Variants in COL11A1 observed in about 807,000 individuals in gnomAD.
COL11A1 encodes the protein collagen type XI alpha 1 chain, also known as collagen alpha-1(XI) chain.
A neutral mutation model predicts 265.2 loss-of-function variants in COL11A1; 74 were observed. The observed-to-expected ratio is 0.28, with a 90% confidence interval of 0.23 to 0.34. The LOEUF (loss-of-function observed/expected upper bound fraction) is 0.34. COL11A1 is among the 10% of genes least tolerant of loss of function. COL11A1 has a pLI of 1.00. For missense variants in COL11A1, 2,165 were observed against 2,263.6 expected (o/e 0.96, Z 0.88); for synonymous variants, 816 against 727.6 (o/e 1.12, Z -1.96).
intron 54 of COL11A1, among the ~76,000 whole-genome samples, chr1:102,904,937 G>A (rs575114372): frequency 3.6e-4 from 55 of 151,970 alleles, no homozygotes; most frequent in Middle Eastern, 6.8e-3. Flanking sequence ...TGTTTATAGC[G>A]GCACTATTCA....
intron 57 of COL11A1, among the ~76,000 whole-genome samples, chr1:102,893,415 C>T (rs1293733741): frequency 6.6e-6 from 1 of 152,000 alleles, no homozygotes; most frequent in Non-Finnish European, 1.5e-5. Context: ...TTATTTTCAT[C>T]AGCTGGAAAT....
intron 30 of COL11A1, among the ~76,000 whole-genome samples, chr1:102,984,745 C>T (rs745567136): frequency 2.9e-4 from 44 of 151,982 alleles, no homozygotes; most frequent in Non-Finnish European, 5.3e-4. Flanking sequence ...TCTTCTTTCA[C>T]TCTAACATGC....
At chr1:102,956,850 G>T (rs1259217746) in intron 41 of COL11A1, among the ~76,000 whole-genome samples, 1 of 150,266 alleles carries the variant, frequency 6.7e-6, no homozygotes, top group East Asian at 1.9e-4. Context: ...AAAGTGAAAA[G>T]AATTCTAAGT....
chr1:102,964,106 A>C (rs1387579663), intron 38 of COL11A1, among the ~76,000 whole-genome samples: 1 of 152,222 alleles, frequency 6.6e-6, no homozygotes, highest in African/African-American at 2.4e-5. Context: ...GGGAACGAAA[A>C]AAGAACACAA....
At chr1:102,984,805 T>C (rs1460742830) in intron 30 of COL11A1, among the ~76,000 whole-genome samples, 1 of 152,068 alleles carries the variant, frequency 6.6e-6, no homozygotes, top group African/African-American at 2.4e-5. Flanking sequence ...CTTTAGCTAA[T>C]AATGATGGTT....
chr1:102,967,430 CG>C (rs1293350863), intron 37 of COL11A1, among the ~76,000 whole-genome samples: 5 of 151,536 alleles, frequency 3.3e-5, no homozygotes, highest in African/African-American at 7.3e-5. Context: ...TTAGTAGAGA[CG>C]GGGTTTCACC....
intron 26 of COL11A1, 101 bp downstream of exon 26, chr1:102,996,969 TACCCAAAATA>T: frequency 1.1e-6 from 1 of 878,988 alleles, no homozygotes; most frequent in East Asian, 2.4e-5. Flanking sequence ...ATCTTTTTTA[TACCCAAAATA>T]ACTATATGAA....
chr1:103,067,346 A>G (rs550581656), intron 4 of COL11A1, among the ~76,000 whole-genome samples: 25 of 151,994 alleles, frequency 1.6e-4, no homozygotes, highest in African/African-American at 6.0e-4. Context: ...TCTCTAAGAA[A>G]AGCTCAAGTA....
intron 4 of COL11A1, 130 bp downstream of exon 4, chr1:103,074,488 G>T: frequency 1.0e-6 from 1 of 969,970 alleles, no homozygotes; most frequent in South Asian, 1.5e-5. Context: ...CACAGAGGAA[G>T]AAACTAGGTC....
rs557500288 is a variant in COL11A1, at chr1:103,071,249, A to G, written c.651+3369T>C. 1.5e-4 allele frequency among the ~76,000 whole-genome samples: 17 copies of G among 112,214 alleles called. No homozygotes were observed. The South Asian group carries it at 2.5e-3, about 17-fold the overall frequency. The allele number at this position is 112,214 out of a possible 152,430, so 73.6% of individuals were successfully genotyped here. ...TGCAATAATCTGTTTTGATTATTTT[A>G]AAAAATTAGGAAACAGAAATAATGA... On this transcript the variant is annotated intron_variant, in intron 4 of 66. Transcript: ENST00000370096.
chr1:103,108,101 G>A lies in COL11A1; in HGVS notation c.78C>T (p.Phe26=). 1.2e-6 allele frequency: 2 copies of A among 1,613,820 alleles called. No individual in the cohort carries two copies. The highest frequency in any genetic ancestry group is 1.7e-6 in the Non-Finnish European group (2 of 1,179,978). The change falls in exon 1 of 67, where the codon TTC becomes TTT. Residue 26 remains phenylalanine (F), a synonymous_variant. Transcript: ENST00000370096. ...CTCTGACCTCTCTAGCTTGGAAGAG[G>A]AAGGTCAATGCGAGGGTTGTTACGG... is the stretch of plus-strand genomic sequence containing the variant. The part of the protein sequence containing the change: ...DFTVTTLALT[F]LFQAREVRGA...
chr1:102,905,321 T>C (rs1041357573), intron 54 of COL11A1, among the ~76,000 whole-genome samples: 2 of 150,426 alleles, frequency 1.3e-5, no homozygotes, highest in Non-Finnish European at 2.9e-5. Context: ...CATGTATACA[T>C]ATGTAACAAA....
At chr1:103,001,446 T>A in intron 24 of COL11A1, 2 of 409,868 alleles carry the variant, frequency 4.9e-6, no homozygotes, top group Admixed American at 4.0e-5. Context: ...TGTGTTTAAT[T>A]ATAGATTTAT....
rs1336679843 is a variant in COL11A1 at position 103,020,145 on chromosome 1, A to T, written c.1309-1286T>A. ...GGTCAAATGGTATTTCTAGTTTTAG[A>T]TCCCTGAGGAATTGCCACACTGACT... On this transcript the variant is annotated intron_variant, in intron 9 of 66. Transcript: ENST00000370096. Among the ~76,000 whole-genome samples the T allele has an allele frequency of 3.9e-5, 6 of 152,078 alleles. No individual in the cohort carries two copies. The East Asian group carries it at 1.2e-3, about 30-fold the overall frequency.
chr1:102,880,609 T>A (rs1438802323), intron 65 of COL11A1, among the ~76,000 whole-genome samples: 4 of 152,100 alleles, frequency 2.6e-5, no homozygotes, highest in Non-Finnish European at 4.4e-5. Flanking sequence ...TTAGCAACTG[T>A]CTCATATCAT....
chr1:102,933,967 C>A (rs533919019), intron 46 of COL11A1, among the ~76,000 whole-genome samples: 8 of 152,264 alleles, frequency 5.3e-5, no homozygotes, highest in South Asian at 4.1e-4. Flanking sequence ...GTGCGCGCAC[C>A]CACTGACCTG....
chr1:103,093,447 T>A (rs975905810), intron 1 of COL11A1, among the ~76,000 whole-genome samples: 56 of 151,674 alleles, frequency 3.7e-4, no homozygotes, highest in African/African-American at 1.3e-3. Flanking sequence ...GAAAAAAAAA[T>A]CCACAAAGGA....
intron 38 of COL11A1, among the ~76,000 whole-genome samples, chr1:102,963,966 A>C (rs1306742508): frequency 6.6e-6 from 1 of 152,150 alleles, no homozygotes; most frequent in Admixed American, 6.5e-5. Flanking sequence ...TTGTCTTCAC[A>C]TGAAAGTATG....
intron 17 of COL11A1, 32 bp downstream of exon 17, chr1:103,006,036 G>A (rs1665575475): frequency 6.2e-7 from 1 of 1,612,410 alleles, no homozygotes. Context: ...ACTGACACAG[G>A]ATGTGAATAT....
Sources: gnomAD v4.1 joint callset for allele counts (sites outside exome capture counted in the v4.1 genomes callset) on GRCh38, gnomAD v4.1.1 for gene constraint, MANE v1.5 for transcripts, NCBI Gene and HGNC (gene_info 2026-07-23, HGNC 2026-07-21) for gene names.